The following GPHN variants were observed in gnomAD, a reference collection of about 807,000 sequenced individuals.
GPHN encodes the protein gephyrin.
In GPHN, 17 loss-of-function variants were observed where a neutral mutation model predicts 95.5. That is an observed-to-expected ratio of 0.18 (90% CI 0.12 to 0.27). The LOEUF is 0.27. Among genes scored for constraint, GPHN ranks in the 10% least tolerant of loss-of-function variants. The pLI is 1.00. For synonymous variants in GPHN, 320 were observed against 322.5 expected, an observed-to-expected ratio of 0.99 and a Z score of 0.08; for missense variants, 660 against 978.1, an observed-to-expected ratio of 0.67 and a Z score of 4.34.
intron 1 of GPHN, among the ~76,000 whole-genome samples, chr14:66,641,774 G>A (rs553313302): frequency 2.0e-5 from 3 of 152,034 alleles, no homozygotes; most frequent in African/African-American, 7.2e-5. Flanking sequence ...TTGAAGTTCA[G>A]ATGGAAGATT....
chr14:66,734,558 A>C (rs752231237), intron 2 of GPHN, among the ~76,000 whole-genome samples: 11 of 152,126 alleles, frequency 7.2e-5, no homozygotes, highest in Non-Finnish European at 1.6e-4. Context: ...CCCTCATTTA[A>C]TTTTATCTCC....
chr14:67,416,305 T>G, the GPHN span, among the ~76,000 whole-genome samples: 1 of 152,216 alleles, frequency 6.6e-6, no homozygotes, highest in East Asian at 1.9e-4. Flanking sequence ...CCCTGCTACC[T>G]GGGGGACGGC....
At chr14:66,715,464 T>C (rs1412615680) in intron 2 of GPHN, among the ~76,000 whole-genome samples, 1 of 152,172 alleles carries the variant, frequency 6.6e-6, no homozygotes, top group Non-Finnish European at 1.5e-5. Flanking sequence ...TTTTTTTGTT[T>C]GTTTCAATTT....
intron 4 of GPHN, among the ~76,000 whole-genome samples, chr14:66,855,618 G>C (rs1006938655): frequency 1.4e-4 from 22 of 152,124 alleles, no homozygotes; most frequent in African/African-American, 5.3e-4. Context: ...TCAAGTTCTT[G>C]CTTTCATTTC....
chr14:67,373,332 A>G, the GPHN span, among the ~76,000 whole-genome samples: 1 of 152,236 alleles, frequency 6.6e-6, no homozygotes, highest in East Asian at 1.9e-4. Flanking sequence ...TAAGTCATAC[A>G]ATTTTTAATG....
intron 1 of GPHN, among the ~76,000 whole-genome samples, chr14:66,526,986 T>C (rs771234970): frequency 1.3e-5 from 2 of 152,224 alleles, no homozygotes; most frequent in Non-Finnish European, 2.9e-5. Context: ...GATACTGTCC[T>C]CATAAAATGA....
rs1299491955 is a variant in GPHN at position 67,144,270 on chromosome 14, TATATATATATATATATAC to T, written c.1836+823_1836+840del. On this transcript the variant is annotated intron_variant, in intron 18 of 22. Transcript: ENST00000478722. The stretch of plus-strand genomic sequence containing the variant: ...AAAAAAATATATATATATATATATA[TATATATATATATATATAC>T]ACACACACATACACAAATATTTTAT... Among the ~76,000 whole-genome samples the T allele has an allele frequency of 2.3e-3, 266 of 114,116 alleles. 14 individuals carry two copies. Among genetic ancestry groups the T allele is most frequent in the African/African-American group, 8.2e-3 (227 of 27,580 alleles). The allele number at this position is 114,116 out of a possible 152,430, so 74.9% of individuals were successfully genotyped here. A position where few individuals can be genotyped will look rare whatever the true frequency, so the allele number is the denominator to read the frequency against.
intron 2 of GPHN, among the ~76,000 whole-genome samples, chr14:66,733,756 A>G (rs994549641): frequency 5.9e-5 from 9 of 152,222 alleles, no homozygotes; most frequent in African/African-American, 2.2e-4. Flanking sequence ...TAAGGCTGAA[A>G]TAACTATACC....
chr14:67,658,004 C>T, the GPHN span, among the ~76,000 whole-genome samples: 1 of 152,172 alleles, frequency 6.6e-6, no homozygotes, highest in Non-Finnish European at 1.5e-5. Context: ...CAGCCTCAGC[C>T]TCCCAAGGTG....
chr14:66,806,879 A>G (rs1166647497), intron 3 of GPHN, among the ~76,000 whole-genome samples: 2 of 151,818 alleles, frequency 1.3e-5, no homozygotes, highest in East Asian at 1.9e-4. Context: ...AATTGTTCCA[A>G]CCCCTACCTG....
At position 66,957,038 on chromosome 14, in the gene GPHN, G is replaced by C. The variant is rs1276157154; in HGVS notation, c.829-8153G>C. ...TAGATGACGAGATAGAGGGTGCAGCGCACCAGCATGGCACATGTATACATA... is the reference window on the plus strand; with the variant it reads ...TAGATGACGAGATAGAGGGTGCAGCCCACCAGCATGGCACATGTATACATA... On this transcript the variant is annotated intron_variant, in intron 8 of 22. Coordinates refer to ENST00000478722, the MANE Select transcript of GPHN (RefSeq NM_020806.5). Among the ~76,000 whole-genome samples, 3 of 149,268 alleles carry C rather than the reference G, an allele frequency of 2.0e-5. No homozygotes were observed. The East Asian group carries it at 5.9e-4, about 29-fold the overall frequency.
intron 8 of GPHN, among the ~76,000 whole-genome samples, chr14:66,949,993 GAAAAAAAAA>G (rs71129809): frequency 1.2e-3 from 70 of 57,818 alleles, no homozygotes; most frequent in Non-Finnish European, 1.4e-3. Context: ...TTTAGGACAG[GAAAAAAAAA>G]AAAAAAAAAA....
the GPHN span, chr14:67,395,299 A>G: frequency 8.2e-6 from 8 of 976,398 alleles, no homozygotes; most frequent in Non-Finnish European, 1.6e-6. Flanking sequence ...GGCACCAGCC[A>G]GACTGTGCAG....
the GPHN span, among the ~76,000 whole-genome samples, chr14:67,396,639 C>T: frequency 6.6e-6 from 1 of 152,252 alleles, no homozygotes; most frequent in African/African-American, 2.4e-5. Flanking sequence ...TTACTCAAGA[C>T]ATTCTACCTG....
chr14:66,865,653 A>G (rs2153523847), intron 4 of GPHN, among the ~76,000 whole-genome samples: 1 of 152,252 alleles, frequency 6.6e-6, no homozygotes, highest in East Asian at 1.9e-4. Flanking sequence ...GTCAGTTTCC[A>G]TCTATCGCAT....
chr14:66,812,069 G>T (rs771628385), intron 3 of GPHN, among the ~76,000 whole-genome samples: 1 of 152,164 alleles, frequency 6.6e-6, no homozygotes, highest in Non-Finnish European at 1.5e-5. Flanking sequence ...TACAAGAATG[G>T]TTTGGGAAAA....
chr14:66,583,224 A>T (rs1239741119), intron 1 of GPHN, among the ~76,000 whole-genome samples: 1 of 151,778 alleles, frequency 6.6e-6, no homozygotes, highest in African/African-American at 2.4e-5. Context: ...CCACTTTTTG[A>T]TGTGGTTGTT....
chr14:66,741,333 TG>T lies in GPHN; in HGVS notation c.144-35130del, dbSNP rs1375151831. Reference sequence around the variant, plus strand: ...TGATAAATATTTATTGAATGTCTTTTGTGTGCTACACGTTGCACTAGATTTT... The same window carrying T: ...TGATAAATATTTATTGAATGTCTTTTTGTGCTACACGTTGCACTAGATTTT... On this transcript the variant is annotated intron_variant, in intron 2 of 22. Transcript: ENST00000478722. Among the ~76,000 whole-genome samples, 22 of 152,356 alleles carry T rather than the reference TG, an allele frequency of 1.4e-4. 1 individual carries two copies. The highest frequency in any genetic ancestry group is 1.2e-3 in the Admixed American group (18 of 15,308).
the GPHN span, among the ~76,000 whole-genome samples, chr14:67,278,801 G>A: frequency 2.0e-5 from 3 of 152,060 alleles, no homozygotes; most frequent in Admixed American, 2.0e-4. Context: ...AAATTGAATA[G>A]TATGTTTCAC....
Sources: gnomAD v4.1 joint callset for allele counts (sites outside exome capture counted in the v4.1 genomes callset) on GRCh38, gnomAD v4.1.1 for gene constraint, MANE v1.5 for transcripts, NCBI Gene and HGNC (gene_info 2026-07-23, HGNC 2026-07-21) for gene names.